LRRTM3: variants seen among roughly 807,000 people sequenced by gnomAD.
LRRTM3 encodes leucine-rich repeat transmembrane neuronal protein 3.
In LRRTM3, 24 loss-of-function variants were observed where a neutral mutation model predicts 44.7. The ratio of observed to expected loss-of-function variants is 0.54; its 90% CI spans 0.39 to 0.76. The LOEUF (loss-of-function observed/expected upper bound fraction) is 0.76, where lower values mean the gene tolerates loss of function less well. Among genes scored for constraint, LRRTM3 ranks in the 30% least tolerant of loss-of-function variants. LRRTM3 has a pLI of 0.00. For synonymous variants in LRRTM3, 277 were observed against 278.7 expected (o/e 0.99, Z 0.06); for missense variants, 587 against 702.2 (o/e 0.84, Z 1.85).
At chr10:66,984,380 TA>T (rs1296918372) in intron 2 of LRRTM3, among the ~76,000 whole-genome samples, 1 of 152,094 alleles carries the variant, frequency 6.6e-6, no homozygotes, top group East Asian at 1.9e-4. Flanking sequence ...GAAGGAAGGT[TA>T]AAAGTCTAAG....
intron 2 of LRRTM3, among the ~76,000 whole-genome samples, chr10:67,040,139 T>C (rs1053412180): frequency 6.6e-6 from 1 of 152,164 alleles, no homozygotes; most frequent in Admixed American, 6.5e-5. Flanking sequence ...CCCCAACTTA[T>C]GCCAAAAATG....
intron 2 of LRRTM3, among the ~76,000 whole-genome samples, chr10:66,965,264 TG>T (rs1054354612): frequency 2.0e-5 from 3 of 151,992 alleles, no homozygotes; most frequent in African/African-American, 7.3e-5. Context: ...TGGCTCGGCA[TG>T]GTGGCTCATG....
intron 2 of LRRTM3, among the ~76,000 whole-genome samples, chr10:67,090,670 C>G (rs960727381): frequency 5.9e-5 from 9 of 152,004 alleles, no homozygotes; most frequent in African/African-American, 1.9e-4. Context: ...TAGTATAGTA[C>G]CTGTGCTACA....
intron 2 of LRRTM3, among the ~76,000 whole-genome samples, chr10:66,938,391 A>G (rs573056286): frequency 1.6e-3 from 242 of 152,276 alleles, no homozygotes; most frequent in Non-Finnish European, 2.5e-3. Context: ...GTCAACCCAT[A>G]TTTTATATAT....
At chr10:67,075,271 A>C (rs1856688402) in intron 2 of LRRTM3, among the ~76,000 whole-genome samples, 1 of 152,196 alleles carries the variant, frequency 6.6e-6, no homozygotes, top group African/African-American at 2.4e-5. Flanking sequence ...ATTAAAAAAA[A>C]ATCAAAGCCT....
chr10:67,044,415 T>C (rs1376496803), intron 2 of LRRTM3, among the ~76,000 whole-genome samples: 1 of 151,964 alleles, frequency 6.6e-6, no homozygotes, highest in Non-Finnish European at 1.5e-5. Context: ...TGTCAAAAAT[T>C]AATAAAAACT....
Position 66,971,436 on chromosome 10 carries a change from A to T in LRRTM3, c.1536+42984A>T, listed in dbSNP as rs532337422. 6.0e-4 allele frequency among the ~76,000 whole-genome samples: 91 copies of T among 152,210 alleles called. 1 individual carries two copies. Among genetic ancestry groups the T allele is most frequent in the African/African-American group, 2.1e-3 (86 of 41,516 alleles). On this transcript the variant is annotated intron_variant, in intron 2 of 2. Transcript: ENST00000361320. Reference sequence around the variant, plus strand: ...AGAGAGACTCCGTCTCAAAAAAAAAAATACATACATACATACATAAACAGT... The same window carrying T: ...AGAGAGACTCCGTCTCAAAAAAAAATATACATACATACATACATAAACAGT...
intron 2 of LRRTM3, among the ~76,000 whole-genome samples, chr10:67,050,344 G>A (rs1220172199): frequency 2.0e-5 from 3 of 151,918 alleles, no homozygotes; most frequent in Non-Finnish European, 4.4e-5. Flanking sequence ...TTTTCTTTTT[G>A]CAACTGAATT....
chr10:66,953,063 C>G (rs1222734935), intron 2 of LRRTM3, among the ~76,000 whole-genome samples: 1 of 152,040 alleles, frequency 6.6e-6, no homozygotes, highest in Non-Finnish European at 1.5e-5. Context: ...AGAAACAACT[C>G]TAGTGTACAG....
chr10:67,087,949 T>C (rs1197822474), intron 2 of LRRTM3, among the ~76,000 whole-genome samples: 2 of 152,180 alleles, frequency 1.3e-5, no homozygotes, highest in African/African-American at 4.8e-5. Context: ...TAGTCATAGA[T>C]TCTTGTGCTC....
Position 66,927,342 on chromosome 10 carries a change from T to A in LRRTM3, c.426T>A (p.Tyr142Ter). ...ATTTACGGAACTTGGATCTGTCCTA[T>A]AATCAGCTGCATTCTCTGGGATCTG... The part of the protein sequence containing the change: ...VTNLRNLDLS[Y>*]NQLHSLGSEQ... Residue 142 changes from tyrosine (Y) to a stop codon, truncating the protein, a stop_gained, in exon 2 of 3, where the codon TAT becomes TAA. Transcript: ENST00000361320. LOFTEE classifies it high-confidence loss of function. The surrounding 1 kb of genome is among the most constrained non-coding windows in gnomAD (Gnocchi z 4.7). The A allele has an allele frequency of 1.2e-6, 2 of 1,614,208 alleles. No individual in the cohort carries two copies. The highest frequency in any genetic ancestry group is 1.7e-6 in the Non-Finnish European group (2 of 1,180,024).
chr10:66,927,938 C>A lies in LRRTM3; in HGVS notation c.1022C>A (p.Ala341Asp), dbSNP rs1847163850. The change falls in exon 2 of 3, where the codon GCC (alanine) becomes GAC (aspartate). Residue 341 changes from alanine to aspartate, a missense_variant. This residue lies in a region of LRRTM3 where 315 missense variants were observed against 335.6 expected (regional missense o/e 0.94). Transcript: ENST00000361320. The surrounding 1 kb of genome is among the most constrained non-coding windows in gnomAD (Gnocchi z 4.7). ...CTAAGGGAGAATACAATTATCTGTG[C>A]CAGTCCCAAAGAGCTGCAAGGAGTA... ...KGLRENTIIC[A>D]SPKELQGVNV... The A allele has an allele frequency of 6.2e-7, 1 of 1,614,088 alleles. No homozygotes were observed. The highest frequency in any genetic ancestry group is 8.5e-7 in the Non-Finnish European group (1 of 1,180,050).
At chr10:67,044,578 T>C (rs1051319262) in intron 2 of LRRTM3, among the ~76,000 whole-genome samples, 1 of 152,194 alleles carries the variant, frequency 6.6e-6, no homozygotes, top group African/African-American at 2.4e-5. Flanking sequence ...GTGATAGCTA[T>C]CCCTCTGTCT....
At chr10:67,059,036 G>C (rs943721573) in intron 2 of LRRTM3, among the ~76,000 whole-genome samples, 8 of 152,110 alleles carry the variant, frequency 5.3e-5, no homozygotes, top group Admixed American at 2.6e-4. Flanking sequence ...TTCTAAGAAG[G>C]ACATTTCTCA....
intron 2 of LRRTM3, among the ~76,000 whole-genome samples, chr10:67,020,882 AT>A (rs1458891097): frequency 1.3e-5 from 2 of 152,132 alleles, no homozygotes; most frequent in Admixed American, 6.6e-5. Flanking sequence ...GAAGAGGAAA[AT>A]AAGGGGCCTC....
chr10:66,930,133 A>G (rs1234738289), intron 2 of LRRTM3, among the ~76,000 whole-genome samples: 1 of 152,200 alleles, frequency 6.6e-6, no homozygotes. Context: ...TAAAATTTTA[A>G]GGATGCCAGA....
chr10:67,079,267 G>A (rs939639075), intron 2 of LRRTM3, among the ~76,000 whole-genome samples: 1 of 152,142 alleles, frequency 6.6e-6, no homozygotes, highest in South Asian at 2.1e-4. Flanking sequence ...AGAGTCCTAG[G>A]AATTTAAGAA....
chr10:66,950,411 A>G (rs1848482830), intron 2 of LRRTM3, among the ~76,000 whole-genome samples: 1 of 152,068 alleles, frequency 6.6e-6, no homozygotes, highest in Non-Finnish European at 1.5e-5. Flanking sequence ...GATATACTAT[A>G]TGTTTAATAA....
At chr10:66,932,504 G>A (rs952761806) in intron 2 of LRRTM3, among the ~76,000 whole-genome samples, 4 of 152,098 alleles carry the variant, frequency 2.6e-5, no homozygotes, top group Admixed American at 2.6e-4. Flanking sequence ...TTAGAATCCA[G>A]ATCTGTAGCT....
Sources: gnomAD v4.1 joint callset for allele counts (sites outside exome capture counted in the v4.1 genomes callset) on GRCh38, gnomAD v4.1.1 for gene constraint, gnomAD v4.1.1 regional missense constraint, Gnocchi (gnomAD v3.1) non-coding constraint, MANE v1.5 for transcripts, NCBI Gene and HGNC (gene_info 2026-07-23, HGNC 2026-07-21) for gene names.